ZNF407: variants seen among roughly 807,000 people sequenced by gnomAD.
ZNF407 encodes the protein zinc finger protein 407.
ZNF407 carries 17 observed loss-of-function variants against 131.2 expected under a neutral mutation model. That is an observed-to-expected ratio of 0.13 (90% CI 0.09 to 0.19). The LOEUF is 0.19. Ranked by LOEUF, ZNF407 falls within the 10% of genes least tolerant of loss-of-function variation. ZNF407 has a pLI of 1.00. For synonymous variants in ZNF407, 1,156 were observed against 1,062.0 expected (o/e 1.09, Z -1.72); for missense variants, 2,681 against 2,830.6 (o/e 0.95, Z 1.20).
At chr18:75,056,645 G>T (rs1431374944) in intron 8 of ZNF407, among the ~76,000 whole-genome samples, 2 of 152,174 alleles carry the variant, frequency 1.3e-5, no homozygotes, top group Admixed American at 6.5e-5. Flanking sequence ...AGAGTCCAGT[G>T]GGAGCTCTGT....
chr18:74,777,579 C>G (rs928438907), intron 3 of ZNF407, among the ~76,000 whole-genome samples: 1 of 152,178 alleles, frequency 6.6e-6, no homozygotes, highest in African/African-American at 2.4e-5. Context: ...TTTGATTTCT[C>G]TTTCAGACTC....
chr18:74,612,090 G>A (rs1180556188), intron 1 of ZNF407, among the ~76,000 whole-genome samples: 1 of 152,126 alleles, frequency 6.6e-6, no homozygotes, highest in Non-Finnish European at 1.5e-5. Flanking sequence ...TCATCACCAA[G>A]GATAATACGC....
intron 4 of ZNF407, among the ~76,000 whole-genome samples, chr18:74,851,552 G>A (rs1970783642): frequency 6.6e-6 from 1 of 152,214 alleles, no homozygotes; most frequent in African/African-American, 2.4e-5. Context: ...TGTGCGTGAG[G>A]TGTGGAGCAT....
intron 8 of ZNF407, among the ~76,000 whole-genome samples, chr18:74,979,430 T>C (rs1175395782): frequency 1.3e-5 from 2 of 152,116 alleles, no homozygotes; most frequent in African/African-American, 4.8e-5. Flanking sequence ...TAGCTGGGAT[T>C]ACAGGCATGC....
At chr18:74,895,948 G>A (rs775035016) in intron 7 of ZNF407, among the ~76,000 whole-genome samples, 1 of 152,128 alleles carries the variant, frequency 6.6e-6, no homozygotes, top group East Asian at 1.9e-4. Flanking sequence ...AGAAGCAGTG[G>A]ATAGAACAAA....
Position 74,634,279 on chromosome 18 carries a change from C to T in ZNF407, c.3260C>T (p.Ser1087Phe). The change falls in exon 2 of 9, where the codon TCT becomes TTT. Residue 1087 changes from serine (S) to phenylalanine (F), a missense_variant. By Grantham distance (155) the Ser-to-Phe change is radical. Around this residue, in one of 6 missense-constraint regions of ZNF407, gnomAD observed 1,789 missense variants for 1,748.7 expected, o/e 1.02. Transcript: ENST00000299687. ...AACTCTGCTAATGTAGAAGCTGGTTCTGCAGACATGTCCAAAAACATCATT... is the reference window on the plus strand; with the variant it reads ...AACTCTGCTAATGTAGAAGCTGGTTTTGCAGACATGTCCAAAAACATCATT... ...YLNSANVEAG[S>F]ADMSKNIIMP... 1 of 1,614,016 alleles carries T rather than the reference C, an allele frequency of 6.2e-7. No individual in the cohort carries two copies. Among genetic ancestry groups the T allele is most frequent in the Non-Finnish European group, 8.5e-7 (1 of 1,179,896 alleles).
chr18:75,046,268 A>G (rs1426526719), intron 8 of ZNF407, among the ~76,000 whole-genome samples: 1 of 152,148 alleles, frequency 6.6e-6, no homozygotes, highest in African/African-American at 2.4e-5. Context: ...CCTATAGACT[A>G]AGCGGTGATC....
At chr18:74,817,946 G>A (rs1970290069) in intron 4 of ZNF407, among the ~76,000 whole-genome samples, 1 of 152,092 alleles carries the variant, frequency 6.6e-6, no homozygotes, top group Admixed American at 6.5e-5. Flanking sequence ...GCACTCTAGC[G>A]GCCCTTCATA....
chr18:74,794,409 C>T (rs554504870), intron 4 of ZNF407, among the ~76,000 whole-genome samples: 1 of 146,560 alleles, frequency 6.8e-6, no homozygotes, highest in South Asian at 2.2e-4. Context: ...AAAAGGGTCA[C>T]ATAATTTTTT....
chr18:74,883,544 A>G (rs578017122), intron 6 of ZNF407, among the ~76,000 whole-genome samples: 8 of 152,194 alleles, frequency 5.3e-5, no homozygotes, highest in East Asian at 1.9e-4. Flanking sequence ...GACACAAAAC[A>G]TCTTCCATTC....
At chr18:74,705,149 C>T (rs1376025277) in intron 3 of ZNF407, among the ~76,000 whole-genome samples, 1 of 55,746 alleles carries the variant, frequency 1.8e-5, no homozygotes, top group Non-Finnish European at 3.9e-5. Context: ...GAGAAAAATA[C>T]ATTTTTTTTT....
chr18:74,779,107 A>ATTTTTT (rs1164567395), intron 3 of ZNF407, among the ~76,000 whole-genome samples: 4 of 23,556 alleles, frequency 1.7e-4, no homozygotes, highest in East Asian at 5.7e-3. Flanking sequence ...ATATATATAT[A>ATTTTTT]TATTTTTTTT....
intron 8 of ZNF407, among the ~76,000 whole-genome samples, chr18:75,059,391 C>T (rs973831671): frequency 2.0e-5 from 3 of 152,200 alleles, no homozygotes; most frequent in African/African-American, 7.2e-5. Flanking sequence ...TCTTAATGTA[C>T]TGGCAGTATG....
rs866741459 is a variant in ZNF407, at chr18:74,781,477, C to A, written c.4852C>A (p.His1618Asn). The change falls in exon 4 of 9, where the codon CAT (histidine) becomes AAT (asparagine). Residue 1618 changes from histidine to asparagine, a missense_variant. This residue lies in a region of ZNF407 where 213 missense variants were observed against 332.2 expected (regional missense o/e 0.64). Coordinates refer to ENST00000299687, the MANE Select transcript of ZNF407 (RefSeq NM_017757.3). ...KHLNTHLLGK[H>N]GVGTPKERKF... ...CTTAAATACTCATCTACTAGGCAAGCATGGAGTTGGCACCCCAAAAGAAAG... is the reference window on the plus strand; with the variant it reads ...CTTAAATACTCATCTACTAGGCAAGAATGGAGTTGGCACCCCAAAAGAAAG... 6.5e-7 allele frequency: 1 copy of A among 1,541,380 alleles called. No homozygotes were observed. The highest frequency in any genetic ancestry group is 8.7e-7 in the Non-Finnish European group (1 of 1,144,328).
chr18:74,678,724 G>T (rs934752630), intron 3 of ZNF407, among the ~76,000 whole-genome samples: 1 of 152,142 alleles, frequency 6.6e-6, no homozygotes, highest in Non-Finnish European at 1.5e-5. Flanking sequence ...ATTAACAGAA[G>T]CTCTTGTGCA....
chr18:74,679,372 T>G (rs2144773231), intron 3 of ZNF407, among the ~76,000 whole-genome samples: 1 of 152,356 alleles, frequency 6.6e-6, no homozygotes, highest in African/African-American at 2.4e-5. Flanking sequence ...TCCCGTTCTC[T>G]TTCTAGTACT....
chr18:74,782,544 G>A (rs1039814560), intron 4 of ZNF407, among the ~76,000 whole-genome samples: 8 of 146,030 alleles, frequency 5.5e-5, no homozygotes, highest in African/African-American at 2.2e-4. Flanking sequence ...CATCCCCTCC[G>A]CTCCCCTCCC....
At chr18:74,964,036 C>G (rs1972379983) in intron 8 of ZNF407, among the ~76,000 whole-genome samples, 1 of 152,184 alleles carries the variant, frequency 6.6e-6, no homozygotes, top group Non-Finnish European at 1.5e-5. Flanking sequence ...TCTTTTCCAG[C>G]CATGGTCAAA....
chr18:74,861,129 T>G (rs1453853348), intron 4 of ZNF407, among the ~76,000 whole-genome samples: 1 of 152,162 alleles, frequency 6.6e-6, no homozygotes, highest in Admixed American at 6.5e-5. Context: ...CTGATGTTAA[T>G]CAGCCTAGTG....
Sources: allele counts gnomAD v4.1 joint callset (sites outside exome capture counted in the v4.1 genomes callset), GRCh38; gene constraint gnomAD v4.1.1; regional missense constraint gnomAD v4.1.1; transcripts MANE v1.5; gene names NCBI Gene and HGNC (gene_info 2026-07-23, HGNC 2026-07-21).